Variants in KIF26A observed in about 807,000 individuals in gnomAD.
The protein encoded by KIF26A is kinesin family member 26A.
In KIF26A, 74 loss-of-function variants were observed where a neutral mutation model predicts 126.0. That is an observed-to-expected ratio of 0.59 (90% CI 0.49 to 0.71). The LOEUF is 0.71. Among genes scored for constraint, KIF26A ranks in the 30% least tolerant of loss-of-function variants. The pLI is 0.00. For synonymous variants in KIF26A, 1,445 were observed against 1,232.7 expected (o/e 1.17, Z -3.61); for missense variants, 2,984 against 2,763.3 (o/e 1.08, Z -1.79).
intron 2 of KIF26A, among the ~76,000 whole-genome samples, chr14:104,144,726 C>T (rs1470509421): frequency 3.9e-5 from 6 of 152,224 alleles, no homozygotes; most frequent in African/African-American, 1.4e-4. Flanking sequence ...CTTTTTGTTC[C>T]AGTTATGACT....
rs116570837 is a variant in KIF26A, at chr14:104,154,234, C to T, written c.735+1773C>T. Among the ~76,000 whole-genome samples, 617 of 151,642 alleles carry T rather than the reference C, an allele frequency of 4.1e-3. 7 individuals are homozygous for T. Among genetic ancestry groups the T allele is most frequent in the African/African-American group, 0.014 (597 of 41,310 alleles). Reference sequence around the variant, plus strand: ...AGATTGTTCCAAGGCAAACACTGATCTGGGGCCAGCGGGTGGGACGGGGGT... The same window carrying T: ...AGATTGTTCCAAGGCAAACACTGATTTGGGGCCAGCGGGTGGGACGGGGGT... On this transcript the variant is annotated intron_variant, in intron 3 of 14. Coordinates refer to ENST00000423312, the MANE Select transcript of KIF26A (RefSeq NM_015656.2).
chr14:104,166,140 G>A (rs2037897430), intron 4 of KIF26A, among the ~76,000 whole-genome samples: 1 of 151,940 alleles, frequency 6.6e-6, no homozygotes, highest in Non-Finnish European at 1.5e-5. Flanking sequence ...CAGGGTGGCA[G>A]CGGGGGCACT....
At chr14:104,147,201 G>A (rs1360170190) in intron 2 of KIF26A, among the ~76,000 whole-genome samples, 1 of 152,188 alleles carries the variant, frequency 6.6e-6, no homozygotes, top group Non-Finnish European at 1.5e-5. Flanking sequence ...CCTCGCCGGG[G>A]CCATCCTTGC....
chr14:104,177,771 G>C lies in KIF26A; in HGVS notation c.4983G>C (p.Glu1661Asp). The stretch of plus-strand genomic sequence containing the variant: ...ACAGCGGTGGCAGCAGTGGCTATGA[G>C]AGCCTGCGGCGCGACAGCGAGGCCA... ...FHHSGGSSGYESLRRDSEATG... is the reference protein window; with the variant it reads ...FHHSGGSSGYDSLRRDSEATG... Residue 1661 changes from glutamate (E) to aspartate (D), a missense_variant, in exon 12 of 15, where the codon GAG becomes GAC. Coordinates refer to ENST00000423312, the MANE Select transcript of KIF26A (RefSeq NM_015656.2). 6.5e-7 allele frequency: 1 copy of C among 1,548,290 alleles called. No individual in the cohort carries two copies. Among genetic ancestry groups the C allele is most frequent in the Non-Finnish European group, 8.7e-7 (1 of 1,154,332 alleles).
chr14:104,178,818 G>C (rs887305274), intron 13 of KIF26A, 63 bp downstream of exon 13: 63 of 990,758 alleles, frequency 6.4e-5, no homozygotes, highest in Non-Finnish European at 8.9e-5. Flanking sequence ...GGATGGCAGA[G>C]TGAGCCATTT....
At chr14:104,156,716 G>C (rs2141099182) in intron 3 of KIF26A, among the ~76,000 whole-genome samples, 1 of 152,316 alleles carries the variant, frequency 6.6e-6, no homozygotes. Flanking sequence ...CTGGGTCCCG[G>C]GGCGGCTTGT....
At chr14:104,150,197 T>TCCC (rs2037715091) in intron 2 of KIF26A, among the ~76,000 whole-genome samples, 1 of 65,082 alleles carries the variant, frequency 1.5e-5, no homozygotes, top group Non-Finnish European at 3.0e-5. Flanking sequence ...CTCATCCCCC[T>TCCC]CCCCCACCCC....
rs891498019 is a variant in KIF26A at position 104,152,724 on chromosome 14, C to T, written c.735+263C>T. ...GCCCCTCCCTGTCTGTCTTTTGAGA[C>T]TGGGGCTGAGGGCCCACCAGTGCCC... On this transcript the variant is annotated intron_variant, in intron 3 of 14. Transcript: ENST00000423312. The surrounding 1 kb of genome is among the most constrained non-coding windows in gnomAD (Gnocchi z 5.9). 6.6e-6 allele frequency among the ~76,000 whole-genome samples: 1 copy of T among 152,180 alleles called. No homozygotes were observed. The highest frequency in any genetic ancestry group is 1.5e-5 in the Non-Finnish European group (1 of 68,010).
chr14:104,158,005 C>T (rs28718558), intron 4 of KIF26A, 63 bp downstream of exon 4: 206,724 of 1,418,224 alleles, frequency 0.15, 16,018 homozygotes, highest in African/African-American at 0.22. Context: ...GCTGTGGGCC[C>T]CTGGGGACCT....
At position 104,146,419 on chromosome 14, in the gene KIF26A, G is replaced by A. The variant is rs1596132521; in HGVS notation, c.289-5596G>A. Reference sequence around the variant, plus strand: ...CTATAGATGCCCTAGAGGCCTGTGGGGAGAGGGTCCTGAGGGCGGAGGCCA... The same window carrying A: ...CTATAGATGCCCTAGAGGCCTGTGGAGAGAGGGTCCTGAGGGCGGAGGCCA... On this transcript the variant is annotated intron_variant, in intron 2 of 14. Transcript: ENST00000423312. Among the ~76,000 whole-genome samples the A allele has an allele frequency of 2.6e-5, 4 of 152,144 alleles. No homozygotes were observed. In the South Asian group the frequency reaches 8.3e-4, roughly 32 times the overall value.
In KIF26A at chr14:104,174,239, C is replaced by G; in HGVS notation, c.2122C>G (p.Gln708Glu). 1 of 1,579,032 alleles carries G rather than the reference C, an allele frequency of 6.3e-7. No homozygotes were observed. The highest frequency in any genetic ancestry group is 1.2e-5 in the South Asian group (1 of 86,072). ...CGCCCACGTGTCGGATGCGCCAGCC[C>G]AGCACGCAGAGACACTCAGCACCGT... Reference protein sequence around the residue: ...MIAHVSDAPAQHAETLSTVQL... With the variant: ...MIAHVSDAPAEHAETLSTVQL... The change falls in exon 11 of 15, where the codon CAG (glutamine) becomes GAG (glutamate). Residue 708 changes from glutamine (Q) to glutamate (E), a missense_variant. Coordinates refer to ENST00000423312, the MANE Select transcript of KIF26A (RefSeq NM_015656.2).
chr14:104,177,803 G>A lies in KIF26A; in HGVS notation c.5015G>A (p.Ser1672Asn), dbSNP rs1383703103. The A allele has an allele frequency of 6.4e-7, 1 of 1,560,970 alleles. No homozygotes were observed. Among genetic ancestry groups the A allele is most frequent in the Non-Finnish European group, 8.6e-7 (1 of 1,161,296 alleles). The change falls in exon 12 of 15, where the codon AGC (serine) becomes AAC (asparagine). Residue 1672 changes from serine to asparagine, a missense_variant. Coordinates refer to ENST00000423312, the MANE Select transcript of KIF26A (RefSeq NM_015656.2). Reference protein sequence around the residue: ...SLRRDSEATGSASSAPDSMSE... With the variant: ...SLRRDSEATGNASSAPDSMSE... ...CGGCGCGACAGCGAGGCCACCGGCA[G>A]CGCCTCCTCCGCCCCTGACTCCATG...
In KIF26A at chr14:104,152,162, C is replaced by T; in HGVS notation, c.436C>T (p.Pro146Ser). 6.2e-7 allele frequency: 1 copy of T among 1,610,044 alleles called. No individual in the cohort carries two copies. The highest frequency in any genetic ancestry group is 1.1e-5 in the South Asian group (1 of 90,796). ...TREAMHLLQA[P>S]ASHEDLDAPH... Reference sequence around the variant, plus strand: ...GGAGGCCATGCACCTGCTGCAGGCCCCTGCCAGCCATGAGGACCTTGACGC... The same window carrying T: ...GGAGGCCATGCACCTGCTGCAGGCCTCTGCCAGCCATGAGGACCTTGACGC... The change falls in exon 3 of 15, where the codon CCT (proline) becomes TCT (serine). Residue 146 changes from proline to serine, a missense_variant. Coordinates refer to ENST00000423312, the MANE Select transcript of KIF26A (RefSeq NM_015656.2). This position sits in a 1 kb window ranked among gnomAD's most constrained non-coding sequence, Gnocchi z 5.9.
chr14:104,157,500 C>T (rs576123769), intron 3 of KIF26A, among the ~76,000 whole-genome samples: 14 of 152,284 alleles, frequency 9.2e-5, no homozygotes, highest in Admixed American at 1.3e-4. Flanking sequence ...AGGAGTCCTG[C>T]TGGGGCAGAC....
rs752346989 is a variant in KIF26A at position 104,175,654 on chromosome 14, C to T, written c.2866C>T (p.Pro956Ser). The T allele has an allele frequency of 6.2e-7, 1 of 1,609,768 alleles. No homozygotes were observed. The highest frequency in any genetic ancestry group is 1.7e-5 in the Admixed American group (1 of 59,786). ...RPLPSPAPPP[P>S]QLLEACRAPE... ...ACTGCCCAGCCCGGCTCCCCCACCT[C>T]CTCAGTTGCTGGAAGCCTGCAGAGC... The change falls in exon 12 of 15, where the codon CCT becomes TCT. Residue 956 changes from proline (P) to serine (S), a missense_variant. Coordinates refer to ENST00000423312, the MANE Select transcript of KIF26A (RefSeq NM_015656.2).
chr14:104,176,842 T>C lies in KIF26A; in HGVS notation c.4054T>C (p.Phe1352Leu). 6.5e-7 allele frequency: 1 copy of C among 1,546,072 alleles called. No individual in the cohort carries two copies. Among genetic ancestry groups the C allele is most frequent in the Non-Finnish European group, 8.7e-7 (1 of 1,146,352 alleles). ...GAAGGGTCTGGCTCCCAAGGCGGGCTTCCTCCCGAGGCCCAGTGGGGCGGC... is the reference window on the plus strand; with the variant it reads ...GAAGGGTCTGGCTCCCAAGGCGGGCCTCCTCCCGAGGCCCAGTGGGGCGGC... ...SKKGLAPKAGFLPRPSGAAPP... is the reference protein window; with the variant it reads ...SKKGLAPKAGLLPRPSGAAPP... The change falls in exon 12 of 15, where the codon TTC becomes CTC. Residue 1352 changes from phenylalanine to leucine, a missense_variant. Transcript: ENST00000423312.
chr14:104,158,083 C>CCACAGCTGCTGAGCCGCT, intron 4 of KIF26A, 141 bp downstream of exon 4: 1 of 818,152 alleles, frequency 1.2e-6, no homozygotes, highest in East Asian at 3.3e-5. Context: ...GCTGCTCCGA[C>CCACAGCTGCTGAGCCGCT]CACAGCTGCT....
At position 104,173,440 on chromosome 14, in the gene KIF26A, C is replaced by T. The variant is rs759665091; in HGVS notation, c.1794C>T (p.Ala598=). Residue 598 remains alanine, a synonymous_variant, in exon 9 of 15, where the codon GCC becomes GCT. Transcript: ENST00000423312. ...GCCGAGCGGGCTGTGGCGAGGACGC[C>T]CGACGCAGCTCCCACATGTTGTTCA... The part of the protein sequence containing the change: ...STSRAGCGED[A]RRSSHMLFTL... 4.6e-5 allele frequency: 73 copies of T among 1,585,966 alleles called. No homozygotes were observed. The highest frequency in any genetic ancestry group is 1.7e-4 in the Middle Eastern group (1 of 6,056).
At position 104,177,008 on chromosome 14, in the gene KIF26A, G is replaced by A. The variant is rs767208659; in HGVS notation, c.4220G>A (p.Arg1407Gln). 11 of 1,553,416 alleles carry A rather than the reference G, an allele frequency of 7.1e-6. No individual in the cohort carries two copies. The highest frequency in any genetic ancestry group is 1.2e-5 in the South Asian group (1 of 85,388). Residue 1407 changes from arginine to glutamine, a missense_variant, in exon 12 of 15, where the codon CGG becomes CAG. Transcript: ENST00000423312. ...RGEEEPRPSS[R>Q]ADHSVPRATS... ...GAGGAGGAGCCCAGACCCAGCAGCC[G>A]GGCTGACCACTCTGTCCCCAGGGCC...
Sources: gnomAD v4.1 joint callset for allele counts (sites outside exome capture counted in the v4.1 genomes callset) on GRCh38, gnomAD v4.1.1 for gene constraint, Gnocchi (gnomAD v3.1) non-coding constraint, MANE v1.5 for transcripts, NCBI Gene and HGNC (gene_info 2026-07-23, HGNC 2026-07-21) for gene names.